The following CNTNAP2 variants were observed in gnomAD, a reference collection of about 807,000 sequenced individuals.
The protein encoded by CNTNAP2 is contactin-associated protein-like 2.
Under a neutral mutation model 155.2 loss-of-function variants are expected in CNTNAP2, and 98 were observed. The observed-to-expected ratio is 0.63, with a 90% CI of 0.54 to 0.75. The LOEUF is 0.75. Among genes scored for constraint, CNTNAP2 ranks in the 30% least tolerant of loss-of-function variants. CNTNAP2 has a pLI of 0.00. For synonymous variants in CNTNAP2, 651 were observed against 631.2 expected (o/e 1.03, Z -0.47); for missense variants, 1,727 against 1,688.1 (o/e 1.02, Z -0.40).
intron 1 of CNTNAP2, among the ~76,000 whole-genome samples, chr7:146,457,195 C>T (rs544987567): frequency 0.027 from 4,135 of 151,736 alleles, 135 homozygotes; most frequent in African/African-American, 0.073. Context: ...GATAATTCTG[C>T]AGTCACAGAC....
intron 8 of CNTNAP2, among the ~76,000 whole-genome samples, chr7:147,155,007 G>T (rs1801895618): frequency 6.6e-6 from 1 of 152,104 alleles, no homozygotes; most frequent in Non-Finnish European, 1.5e-5. Context: ...AGACTGAAAA[G>T]GCTCAAGAGG....
Position 148,345,581 on chromosome 7 carries a change from C to T in CNTNAP2, c.3476-38068C>T, listed in dbSNP as rs539160888. ...TACTATTTTAGAAGAGATGGGGTTT[C>T]GCTATGTTGGCCAGGCTGGTCTCGA... On this transcript the variant is annotated intron_variant, in intron 21 of 23. Transcript: ENST00000361727. Among the ~76,000 whole-genome samples, 50 of 152,236 alleles carry T rather than the reference C, an allele frequency of 3.3e-4. 1 individual carries two copies. In the South Asian group the frequency reaches 9.3e-3, roughly 28 times the overall value.
At chr7:147,276,585 T>C (rs1042713419) in intron 8 of CNTNAP2, among the ~76,000 whole-genome samples, 4 of 152,000 alleles carry the variant, frequency 2.6e-5, no homozygotes, top group African/African-American at 9.7e-5. Flanking sequence ...TATTGGAATG[T>C]AATGGTTTTA....
At chr7:147,826,324 A>G (rs1798449394) in intron 13 of CNTNAP2, among the ~76,000 whole-genome samples, 1 of 152,250 alleles carries the variant, frequency 6.6e-6, no homozygotes. Flanking sequence ...TTTATAAGTG[A>G]TAGTATAATC....
intron 1 of CNTNAP2, among the ~76,000 whole-genome samples, chr7:146,186,988 G>C (rs1307481442): frequency 1.3e-5 from 2 of 152,086 alleles, no homozygotes; most frequent in African/African-American, 4.8e-5. Flanking sequence ...TTTCTTCCTA[G>C]TTACTCCACT....
chr7:147,182,199 T>C (rs752271513), intron 8 of CNTNAP2, among the ~76,000 whole-genome samples: 17 of 151,934 alleles, frequency 1.1e-4, no homozygotes, highest in Admixed American at 3.3e-4. Flanking sequence ...CAAAGTTCTT[T>C]GTCTAAGCAA....
intron 1 of CNTNAP2, among the ~76,000 whole-genome samples, chr7:146,195,908 C>G (rs1185094403): frequency 6.6e-6 from 1 of 152,236 alleles, no homozygotes; most frequent in Non-Finnish European, 1.5e-5. Flanking sequence ...GTAAGTCAAA[C>G]TCCCTTCATG....
intron 6 of CNTNAP2, among the ~76,000 whole-genome samples, chr7:147,125,459 C>T (rs1329508589): frequency 1.3e-5 from 2 of 152,178 alleles, no homozygotes; most frequent in African/African-American, 2.4e-5. Context: ...GTGATATATA[C>T]GTGCACTTCA....
intron 1 of CNTNAP2, among the ~76,000 whole-genome samples, chr7:146,765,185 C>G (rs1222255390): frequency 6.6e-6 from 1 of 152,030 alleles, no homozygotes; most frequent in Non-Finnish European, 1.5e-5. Context: ...TTGCTGGAGC[C>G]AAGATATTTA....
chr7:147,806,640 A>G (rs1798096129), intron 13 of CNTNAP2, among the ~76,000 whole-genome samples: 1 of 152,254 alleles, frequency 6.6e-6, no homozygotes, highest in Non-Finnish European at 1.5e-5. Flanking sequence ...AATGTGGTAC[A>G]TATACAAAAT....
intron 12 of CNTNAP2, among the ~76,000 whole-genome samples, chr7:147,620,755 G>T (rs936690714): frequency 1.3e-5 from 2 of 151,976 alleles, no homozygotes; most frequent in Non-Finnish European, 2.9e-5. Context: ...CTAGAAAATA[G>T]CCCCCAAAGG....
At chr7:148,100,670 T>C (rs1450972006) in intron 15 of CNTNAP2, among the ~76,000 whole-genome samples, 2 of 152,254 alleles carry the variant, frequency 1.3e-5, no homozygotes, top group Non-Finnish European at 2.9e-5. Context: ...TGCCACATTA[T>C]GTCACATTTT....
chr7:146,354,921 T>C (rs1794976210), intron 1 of CNTNAP2, among the ~76,000 whole-genome samples: 1 of 152,144 alleles, frequency 6.6e-6, no homozygotes, highest in Non-Finnish European at 1.5e-5. Context: ...GTATTTTGAG[T>C]GGTGTAGTTG....
intron 13 of CNTNAP2, among the ~76,000 whole-genome samples, chr7:147,807,044 G>A (rs1040209602): frequency 2.0e-5 from 3 of 152,072 alleles, no homozygotes; most frequent in Non-Finnish European, 4.4e-5. Flanking sequence ...GGGCATTGTG[G>A]CTCAAGCCTG....
chr7:147,889,097 A>C (rs780514612), intron 13 of CNTNAP2, among the ~76,000 whole-genome samples: 2 of 152,120 alleles, frequency 1.3e-5, no homozygotes, highest in Non-Finnish European at 2.9e-5. Flanking sequence ...TGTTAAGTTA[A>C]ATATGAAATT....
intron 22 of CNTNAP2, among the ~76,000 whole-genome samples, chr7:148,404,868 CCA>C (rs1799662161): frequency 1.3e-5 from 2 of 152,140 alleles, no homozygotes; most frequent in African/African-American, 4.8e-5. Context: ...TTCCAACTGT[CCA>C]GTTACCTCTT....
At chr7:148,330,163 G>C (rs989090170) in intron 21 of CNTNAP2, among the ~76,000 whole-genome samples, 2 of 151,334 alleles carry the variant, frequency 1.3e-5, no homozygotes, top group Non-Finnish European at 3.0e-5. Context: ...TGGATGGATG[G>C]AGTGGACGGA....
chr7:147,798,235 T>C (rs559745493), intron 13 of CNTNAP2, among the ~76,000 whole-genome samples: 4 of 152,278 alleles, frequency 2.6e-5, no homozygotes, highest in East Asian at 3.9e-4. Flanking sequence ...ATTTCAGCAA[T>C]ATAATTACAT....
At chr7:146,281,015 G>C (rs1166552265) in intron 1 of CNTNAP2, among the ~76,000 whole-genome samples, 1 of 152,106 alleles carries the variant, frequency 6.6e-6, no homozygotes, top group Non-Finnish European at 1.5e-5. Flanking sequence ...GGAAACCTTG[G>C]CCATCTTGCT....
Sources: gnomAD v4.1 joint callset for allele counts (sites outside exome capture counted in the v4.1 genomes callset) on GRCh38, gnomAD v4.1.1 for gene constraint, MANE v1.5 for transcripts, NCBI Gene and HGNC (gene_info 2026-07-23, HGNC 2026-07-21) for gene names.